The following ZNF202 variants were observed in gnomAD, a reference collection of about 807,000 sequenced individuals.
The protein encoded by ZNF202 is zinc finger protein with KRAB and SCAN domains 10.
Under a neutral mutation model 54.5 loss-of-function variants are expected in ZNF202, and 22 were observed. The ratio of observed to expected loss-of-function variants is 0.40; its 90% confidence interval spans 0.29 to 0.58. ZNF202 has a LOEUF of 0.58. Among genes scored for constraint, ZNF202 ranks in the 20% least tolerant of loss-of-function variants. The probability of loss-of-function intolerance (pLI) is 0.39; values close to 1 mark genes in which losing one functional copy is unlikely to be tolerated. For synonymous variants in ZNF202, 294 were observed against 301.4 expected, an observed-to-expected ratio of 0.98 and a Z score of 0.26; for missense variants, 644 against 805.5, an observed-to-expected ratio of 0.80 and a Z score of 2.43.
chr11:123,730,477 C>G lies in ZNF202; in HGVS notation c.402+10G>C. 1.3e-6 allele frequency: 2 copies of G among 1,517,742 alleles called. No individual in the cohort carries two copies. The highest frequency in any genetic ancestry group is 1.8e-6 in the Non-Finnish European group (2 of 1,135,030). 94.0% of individuals were successfully genotyped at this position (1,517,742 alleles called of 1,614,324 possible). A position where few individuals can be genotyped will look rare whatever the true frequency, so the allele number is the denominator to read the frequency against. ...TCCACATCACACAGATCAGGACTCC[C>G]CCTCCTCACCCACCGCCTTGGTCTC... On this transcript the variant is annotated intron_variant, in intron 4 of 8. Transcript: ENST00000530393. The surrounding 1 kb of genome is among the most constrained non-coding windows in gnomAD (Gnocchi z 6.0).
In ZNF202 at chr11:123,741,611, A is replaced by T. The variant is rs1167829280; in HGVS notation, c.-356T>A. The T allele has an allele frequency of 6.6e-6, 1 of 152,616 alleles. No homozygotes were observed. Among genetic ancestry groups the T allele is most frequent in the Non-Finnish European group, 1.5e-5 (1 of 68,112 alleles). 9.5% of individuals were successfully genotyped at this position (152,616 alleles called of 1,614,324 possible). A position where few individuals can be genotyped will look rare whatever the true frequency, so the allele number is the denominator to read the frequency against. Reference sequence around the variant, plus strand: ...CTTCTCTCCCACCCACTCCCGACCGAAACAGCGCCGCCGGATCCGAGCCGC... The same window carrying T: ...CTTCTCTCCCACCCACTCCCGACCGTAACAGCGCCGCCGGATCCGAGCCGC... On this transcript the variant is annotated 5_prime_UTR_variant, in exon 1 of 9. Transcript: ENST00000530393.
chr11:123,735,657 TAACGTACCCAAGAGCCCTTGTA>T, intron 3 of ZNF202, among the ~76,000 whole-genome samples: 1 of 152,198 alleles, frequency 6.6e-6, no homozygotes, highest in African/African-American at 2.4e-5. Flanking sequence ...TTTCGTGAAG[TAACGTACCCAAGAGCCCTTGTA>T]AAGGATAAAG....
At chr11:123,740,311 C>T (rs929807738) in intron 2 of ZNF202, 106 bp downstream of exon 2, 1 of 152,282 alleles carries the variant, frequency 6.6e-6, no homozygotes, top group African/African-American at 2.4e-5. Context: ...CTCTCCAACC[C>T]TGCCCACCCT....
At chr11:123,735,660 C>T (rs926440459) in intron 3 of ZNF202, among the ~76,000 whole-genome samples, 1 of 152,104 alleles carries the variant, frequency 6.6e-6, no homozygotes, top group African/African-American at 2.4e-5. Context: ...CGTGAAGTAA[C>T]GTACCCAAGA....
At chr11:123,739,574 A>T (rs1861774354) in intron 3 of ZNF202, 1 of 152,208 alleles carries the variant, frequency 6.6e-6, no homozygotes, top group Non-Finnish European at 1.5e-5. Context: ...ATCAAGGGGA[A>T]GAACTTATCA....
At chr11:123,734,331 T>C (rs1280660293) in intron 3 of ZNF202, among the ~76,000 whole-genome samples, 1 of 152,212 alleles carries the variant, frequency 6.6e-6, no homozygotes, top group African/African-American at 2.4e-5. Context: ...CTTCTTAAAA[T>C]GTGATACACA....
intron 6 of ZNF202, 105 bp from the exon 7 acceptor site, chr11:123,728,367 G>C: frequency 7.3e-7 from 1 of 1,365,692 alleles, no homozygotes; most frequent in Non-Finnish European, 9.5e-7. Context: ...GGAGATGAAA[G>C]GAGCTTGAGT....
intron 3 of ZNF202, among the ~76,000 whole-genome samples, chr11:123,737,219 G>T (rs568645830): frequency 6.6e-6 from 1 of 152,156 alleles, no homozygotes; most frequent in South Asian, 2.1e-4. Flanking sequence ...ACTGGCAGGA[G>T]ACAATCTGAG....
rs1402260879 is a variant in ZNF202 at position 123,724,756 on chromosome 11, G to C, written c.*1241C>G. The C allele has an allele frequency of 1.3e-5, 2 of 152,160 alleles. No homozygotes were observed. 9.4% of individuals were successfully genotyped at this position (152,160 alleles called of 1,614,324 possible). On this transcript the variant is annotated 3_prime_UTR_variant, in exon 9 of 9. Coordinates refer to ENST00000530393, the MANE Select transcript of ZNF202 (RefSeq NM_003455.4). ...TCTAGCTCTATGAACATAAAATCACGTAAGAAAAAGCAAACAACACAAATA... is the reference window on the plus strand; with the variant it reads ...TCTAGCTCTATGAACATAAAATCACCTAAGAAAAAGCAAACAACACAAATA...
chr11:123,725,497 G>A lies in ZNF202; in HGVS notation c.*500C>T, dbSNP rs1395533466. The A allele has an allele frequency of 1.3e-5, 2 of 154,740 alleles. No homozygotes were observed. The highest frequency in any genetic ancestry group is 2.4e-5 in the African/African-American group (1 of 41,420). The allele number at this position is 154,740 out of a possible 1,614,324, so 9.6% of individuals were successfully genotyped here. A position where few individuals can be genotyped will look rare whatever the true frequency, so the allele number is the denominator to read the frequency against. Reference sequence around the variant, plus strand: ...CTATGCAGTTATCCTGTGAATGTGTGGCAAAGCCATCAGGACGCAAACCTC... The same window carrying A: ...CTATGCAGTTATCCTGTGAATGTGTAGCAAAGCCATCAGGACGCAAACCTC... On this transcript the variant is annotated 3_prime_UTR_variant, in exon 9 of 9. Transcript: ENST00000530393.
chr11:123,729,975 A>G (rs1565524067), intron 4 of ZNF202, 150 bp from the exon 5 acceptor site: 3 of 806,614 alleles, frequency 3.7e-6, no homozygotes, highest in East Asian at 2.7e-5. Context: ...TGGAGCAGGC[A>G]AGGAGGAGCT....
chr11:123,736,230 G>A (rs895467288), intron 3 of ZNF202, among the ~76,000 whole-genome samples: 1 of 152,078 alleles, frequency 6.6e-6, no homozygotes, highest in South Asian at 2.1e-4. Flanking sequence ...ACCTTAAAAC[G>A]CTACTAGCTA....
intron 4 of ZNF202, 89 bp from the exon 5 acceptor site, chr11:123,729,914 A>C (rs1861331043): frequency 2.2e-6 from 3 of 1,346,616 alleles, no homozygotes; most frequent in African/African-American, 2.9e-5. Context: ...AGATGCCTAG[A>C]GAAAACACTC....
Position 123,733,362 on chromosome 11 carries a change from A to G in ZNF202, c.-97-2377T>C, listed in dbSNP as rs532311347. 2.0e-5 allele frequency among the ~76,000 whole-genome samples: 3 copies of G among 152,196 alleles called. No individual in the cohort carries two copies. The East Asian group carries it at 5.8e-4, about 29-fold the overall frequency. The stretch of plus-strand genomic sequence containing the variant: ...ACAGTCTATCTTGGATAGCTCCCTA[A>G]TTCCTAGATCTTCATGTGTAATTTT... On this transcript the variant is annotated intron_variant, in intron 3 of 8. Transcript: ENST00000530393.
intron 3 of ZNF202, among the ~76,000 whole-genome samples, chr11:123,731,191 G>C (rs1437664582): frequency 6.6e-6 from 1 of 152,140 alleles, no homozygotes; most frequent in Non-Finnish European, 1.5e-5. Context: ...CCCTTTCCTA[G>C]GCAAGGTTCA....
chr11:123,727,260 T>G (rs185412722), intron 8 of ZNF202, among the ~76,000 whole-genome samples: 27 of 152,362 alleles, frequency 1.8e-4, no homozygotes, highest in African/African-American at 5.8e-4. Context: ...AGTTAACATT[T>G]TTCTTTCACC....
In ZNF202 at chr11:123,729,768, C is replaced by T; in HGVS notation, c.460G>A (p.Val154Met). The T allele has an allele frequency of 1.2e-6, 2 of 1,613,860 alleles. No homozygotes were observed. The highest frequency in any genetic ancestry group is 2.7e-5 in the African/African-American group (2 of 75,014). ...VLSEETVHLG[V>M]EPESPNELQD... The stretch of plus-strand genomic sequence containing the variant: ...AGCTCATTAGGTGACTCAGGCTCCA[C>T]TCCTAAATGCACCGTCTCCTCTGAC... The change falls in exon 5 of 9, where the codon GTG becomes ATG. Residue 154 changes from valine (V) to methionine (M), a missense_variant. By Grantham distance (21) the Val-to-Met change is conservative (BLOSUM62 1). Transcript: ENST00000530393.
rs1403800258 is a variant in ZNF202, at chr11:123,726,431, C to T, written c.1513G>A (p.Gly505Arg). ...ATAGTACAAAAGAAGGGTTTTTCTC[C>T]AGTATGTGTCCTCTGATGTCTGACA... The part of the protein sequence containing the change: ...DLVRHQRTHT[G>R]EKPFFCTICG... Residue 505 changes from glycine (G) to arginine (R), a missense_variant, in exon 9 of 9, where the codon GGA becomes AGA. Physicochemically the swap from Gly to Arg is moderately radical, Grantham distance 125. Around this residue, in one of 3 missense-constraint regions of ZNF202, gnomAD observed 536 missense variants for 635.3 expected, o/e 0.84. Transcript: ENST00000530393. This position sits in a 1 kb window ranked among gnomAD's most constrained non-coding sequence, Gnocchi z 6.0. 6.2e-7 allele frequency: 1 copy of T among 1,614,162 alleles called. No individual in the cohort carries two copies. Among genetic ancestry groups the T allele is most frequent in the Admixed American group, 1.7e-5 (1 of 60,022 alleles).
At position 123,729,147 on chromosome 11, in the gene ZNF202, A is replaced by G. The variant is rs766401679; in HGVS notation, c.681T>C (p.Ala227=). 8 of 1,613,922 alleles carry G rather than the reference A, an allele frequency of 5.0e-6. No individual in the cohort carries two copies. The Admixed American group carries it at 1.2e-4, about 24-fold the overall frequency. ...ERSSGDSEMV[A]LLTALSQGLV... ...ACACCTGTGACAGAGCAGTAAGAAGAGCAACCATCTCTGAGTCTCCAGAGC... is the reference window on the plus strand; with the variant it reads ...ACACCTGTGACAGAGCAGTAAGAAGGGCAACCATCTCTGAGTCTCCAGAGC... Residue 227 remains alanine (A), a synonymous_variant, in exon 6 of 9, where the codon GCT becomes GCC. Transcript: ENST00000530393.
Sources: allele counts gnomAD v4.1 joint callset (sites outside exome capture counted in the v4.1 genomes callset), GRCh38; gene constraint gnomAD v4.1.1; regional missense constraint gnomAD v4.1.1; non-coding constraint Gnocchi (gnomAD v3.1); transcripts MANE v1.5; gene names NCBI Gene and HGNC (gene_info 2026-07-23, HGNC 2026-07-21).